NBDY: variants seen among roughly 807,000 people sequenced by gnomAD.
NBDY encodes P-body dissociating protein.
At chrX:56,740,737 A>G (rs2069528200) in intron 2 of NBDY, among the ~76,000 whole-genome samples, 1 of 110,732 alleles carries the variant, frequency 9.0e-6, no homozygotes, top group Non-Finnish European at 1.9e-5. Context: ...ATTTTGTAAA[A>G]TCTTTCTGGG....
chrX:56,767,115 T>C (rs1032665946), intron 2 of NBDY, among the ~76,000 whole-genome samples: 22 of 113,716 alleles, frequency 1.9e-4, no homozygotes, highest in African/African-American at 5.1e-4. Flanking sequence ...TGCCTTGTAC[T>C]TGGGCGGCAG....
At position 56,729,479 on chromosome X, in the gene NBDY, C is replaced by G. The variant is rs766528986; in HGVS notation, c.126C>G (p.Asn42Lys). The stretch of plus-strand genomic sequence containing the variant: ...GGGATTATCCGGAAGGAACTCCCAA[C>G]GGAGGTAGTACCACTCTACCCTCCG... ...PRWDYPEGTP[N>K]GGSTTLPSAP... Residue 42 changes from asparagine to lysine, a missense_variant, in exon 1 of 3, where the codon AAC (asparagine) becomes AAG (lysine). Physicochemically the swap from Asn to Lys is moderately conservative, Grantham distance 94 (BLOSUM62 0). Coordinates refer to ENST00000374922, the MANE Select transcript of NBDY (RefSeq NM_001348129.2). 5 of 296,201 alleles carry G rather than the reference C, an allele frequency of 1.7e-5. No individual in the cohort carries two copies. In the Admixed American group the frequency reaches 3.1e-4, roughly 18 times the overall value. The allele number at this position is 296,201 out of a possible 1,213,427, so 24.4% of individuals were successfully genotyped here.
chrX:56,800,008 G>T (rs1481129489), intron 2 of NBDY, among the ~76,000 whole-genome samples: 6 of 110,404 alleles, frequency 5.4e-5, no homozygotes, highest in Non-Finnish European at 1.1e-4. Context: ...AGGGGGAGGG[G>T]TGTGTGGGTG....
chrX:56,812,714 G>T (rs899766523), intron 2 of NBDY, among the ~76,000 whole-genome samples: 4 of 111,459 alleles, frequency 3.6e-5, no homozygotes, highest in Non-Finnish European at 7.5e-5. Flanking sequence ...ATGTCACCAC[G>T]CAGTGATACA....
At position 56,816,955 on chromosome X, in the gene NBDY, C is replaced by A. The variant is rs534889090; in HGVS notation, c.*167-365C>A. On this transcript the variant is annotated intron_variant, in intron 2 of 2. Coordinates refer to ENST00000374922, the MANE Select transcript of NBDY (RefSeq NM_001348129.2). ...AGGAATATAGGAGTTTGTCAAGGGG[C>A]TATGAGGGAACAATGAGGCTGATTG... is the stretch of plus-strand genomic sequence containing the variant. 4.5e-5 allele frequency among the ~76,000 whole-genome samples: 5 copies of A among 110,906 alleles called. No homozygotes were observed. The South Asian group carries it at 1.9e-3, about 42-fold the overall frequency.
chrX:56,735,336 T>A (rs1345199078), intron 2 of NBDY, among the ~76,000 whole-genome samples: 5 of 112,541 alleles, frequency 4.4e-5, no homozygotes, highest in Non-Finnish European at 9.4e-5. Context: ...AATGAAGTAA[T>A]CTGGAAACAT....
At chrX:56,755,070 G>T (rs1317095698) in intron 2 of NBDY, among the ~76,000 whole-genome samples, 1 of 111,523 alleles carries the variant, frequency 9.0e-6, no homozygotes, top group Non-Finnish European at 1.9e-5. Flanking sequence ...ATGGTGCTGG[G>T]AAAACTGGCT....
At chrX:56,747,012 T>A (rs983410094) in intron 2 of NBDY, among the ~76,000 whole-genome samples, 6 of 111,971 alleles carry the variant, frequency 5.4e-5, no homozygotes, top group African/African-American at 1.9e-4. Context: ...TAAAATAACA[T>A]AGTCATGGAT....
chrX:56,784,766 T>G (rs2069716897), intron 2 of NBDY, among the ~76,000 whole-genome samples: 1 of 111,503 alleles, frequency 9.0e-6, no homozygotes, highest in African/African-American at 3.3e-5. Context: ...TAAAAATGAA[T>G]GAGTCGGTCG....
intron 2 of NBDY, among the ~76,000 whole-genome samples, chrX:56,761,676 T>TGGGGAGGTCAGGATTCGCC (rs1388501699): frequency 1.8e-5 from 2 of 113,362 alleles, no homozygotes; most frequent in African/African-American, 6.4e-5. Flanking sequence ...ACTTCTGGTT[T>TGGGGAGGTCAGGATTCGCC]GGGGAGGTCA....
intron 2 of NBDY, among the ~76,000 whole-genome samples, chrX:56,813,612 G>A (rs1298672024): frequency 9.0e-6 from 1 of 111,683 alleles, no homozygotes; most frequent in Non-Finnish European, 1.9e-5. Context: ...AGACATGTAC[G>A]CACATGCACC....
In NBDY at chrX:56,809,005, T is replaced by C. The variant is rs759989068; in HGVS notation, c.*167-8315T>C. Reference sequence around the variant, plus strand: ...AGGAACATATTTATTTCTGCCTTTATTTCGTTATTTACGCAGTAGTCATTC... The same window carrying C: ...AGGAACATATTTATTTCTGCCTTTACTTCGTTATTTACGCAGTAGTCATTC... On this transcript the variant is annotated intron_variant, in intron 2 of 2. Transcript: ENST00000374922. Among the ~76,000 whole-genome samples the C allele has an allele frequency of 5.3e-5, 6 of 112,689 alleles. No homozygotes were observed. In the East Asian group the frequency reaches 1.4e-3, roughly 26 times the overall value.
At position 56,733,851 on chromosome X, in the gene NBDY, C is replaced by A. The variant is rs764004496; in HGVS notation, c.*166+1652C>A. ...ATTTGGTTATGACAATTTTTATGTT[C>A]ACCTAACTTTTTAGTTCCAAGTACT... On this transcript the variant is annotated intron_variant, in intron 2 of 2. Transcript: ENST00000374922. 3.6e-5 allele frequency among the ~76,000 whole-genome samples: 4 copies of A among 112,241 alleles called. No homozygotes were observed. In the East Asian group the frequency reaches 1.1e-3, roughly 31 times the overall value.
chrX:56,794,258 G>A (rs5960209), intron 2 of NBDY, among the ~76,000 whole-genome samples: 62,931 of 110,667 alleles, frequency 0.57, 15,545 homozygotes, highest in Non-Finnish European at 0.77. Flanking sequence ...CTAGCAGAAG[G>A]CAAGTGTTTC....
At chrX:56,740,406 A>G (rs1334761903) in intron 2 of NBDY, among the ~76,000 whole-genome samples, 2 of 111,745 alleles carry the variant, frequency 1.8e-5, no homozygotes, top group African/African-American at 6.5e-5. Context: ...ATGATCAACT[A>G]GTGTTTTATG....
chrX:56,793,053 C>T (rs976363289), intron 2 of NBDY, among the ~76,000 whole-genome samples: 37 of 111,895 alleles, frequency 3.3e-4, no homozygotes, highest in Non-Finnish European at 5.6e-4. Flanking sequence ...AAAGCCAAGA[C>T]AGCCTGAGCA....
intron 2 of NBDY, among the ~76,000 whole-genome samples, chrX:56,766,082 G>A (rs1301697886): frequency 8.9e-6 from 1 of 112,083 alleles, no homozygotes; most frequent in Non-Finnish European, 1.9e-5. Flanking sequence ...ATGTCATGGT[G>A]AACGCACCCT....
chrX:56,813,251 G>A lies in NBDY; in HGVS notation c.*167-4069G>A, dbSNP rs190109266. 8.2e-4 allele frequency among the ~76,000 whole-genome samples: 91 copies of A among 111,269 alleles called. 1 individual carries two copies. The highest frequency in any genetic ancestry group is 1.2e-3 in the Non-Finnish European group (62 of 53,055). ...TCATCGTGAATTCATGGATTTCCCA[G>A]TACCTCTTGGCTCGCTGTTTGTCCC... On this transcript the variant is annotated intron_variant, in intron 2 of 2. Transcript: ENST00000374922.
intron 2 of NBDY, among the ~76,000 whole-genome samples, chrX:56,755,838 A>C (rs1294236952): frequency 2.8e-5 from 3 of 107,673 alleles, no homozygotes; most frequent in Non-Finnish European, 3.8e-5. Flanking sequence ...AGACACATGC[A>C]CACGTATGTT....
Sources: gnomAD v4.1 joint callset for allele counts (sites outside exome capture counted in the v4.1 genomes callset) on GRCh38, gnomAD v4.1.1 for gene constraint, MANE v1.5 for transcripts, NCBI Gene and HGNC (gene_info 2026-07-23, HGNC 2026-07-21) for gene names.